CHD9: variants seen among roughly 807,000 people sequenced by gnomAD.
CHD9 encodes the protein ATP-dependent chromatin remodeler CHD9.
CHD9 carries 77 observed loss-of-function variants against 316.1 expected under a neutral mutation model. The ratio of observed to expected loss-of-function variants is 0.24; its 90% CI spans 0.20 to 0.29. CHD9 has a LOEUF of 0.29. Among genes scored for constraint, CHD9 ranks in the 10% least tolerant of loss-of-function variants. CHD9 has a pLI of 1.00. For synonymous variants in CHD9, 1,129 were observed against 1,158.3 expected (o/e 0.97, Z 0.51); for missense variants, 2,763 against 3,438.1 (o/e 0.80, Z 4.91).
chr16:53,253,196 TG>T (rs2050272054), intron 17 of CHD9, among the ~76,000 whole-genome samples: 1 of 150,048 alleles, frequency 6.7e-6, no homozygotes. Context: ...GGTGGGTATA[TG>T]TGCGTGTGTG....
intron 1 of CHD9, among the ~76,000 whole-genome samples, chr16:53,096,753 A>G (rs933355584): frequency 6.6e-6 from 1 of 152,190 alleles, no homozygotes; most frequent in Admixed American, 6.5e-5. Flanking sequence ...ATTTCTTCAC[A>G]GTTACAGAGG....
intron 38 of CHD9, among the ~76,000 whole-genome samples, chr16:53,322,945 A>G (rs1397867505): frequency 2.6e-5 from 4 of 152,194 alleles, no homozygotes; most frequent in East Asian, 3.8e-4. Flanking sequence ...GTTTTCTGCT[A>G]TGAGCCCTGA....
chr16:53,207,932 A>C, intron 2 of CHD9: 2 of 521,924 alleles, frequency 3.8e-6, no homozygotes, highest in Middle Eastern at 9.5e-4. Context: ...AACTGGTAGC[A>C]CCATCTGCTG....
At chr16:53,193,491 T>C in intron 2 of CHD9, among the ~76,000 whole-genome samples, 1 of 152,230 alleles carries the variant, frequency 6.6e-6, no homozygotes, top group Middle Eastern at 3.4e-3. Flanking sequence ...CAAATAGATG[T>C]AGATTGATAT....
intron 1 of CHD9, among the ~76,000 whole-genome samples, chr16:53,056,355 A>C (rs1164006356): frequency 6.6e-6 from 1 of 152,118 alleles, no homozygotes; most frequent in Non-Finnish European, 1.5e-5. Context: ...GGAATTATTC[A>C]CAATAAAAGC....
Position 53,238,517 on chromosome 16 carries a change from G to A in CHD9, c.2808G>A (p.Val936=), listed in dbSNP as rs1429417816. ...GTACGTGGACTGATATTAACGTTGT[G>A]GTTTATCATGGGAGCCTGATTAGCA... ...EFRTWTDINV[V]VYHGSLISRQ... Residue 936 remains valine (V), a synonymous_variant, in exon 12 of 39, where the codon GTG becomes GTA. Transcript: ENST00000447540. The A allele has an allele frequency of 6.2e-7, 1 of 1,612,930 alleles. No individual in the cohort carries two copies. Among genetic ancestry groups the A allele is most frequent in the South Asian group, 1.1e-5 (1 of 91,046 alleles).
chr16:53,178,109 A>T (rs1466635025), intron 2 of CHD9, among the ~76,000 whole-genome samples: 3 of 152,212 alleles, frequency 2.0e-5, no homozygotes, highest in Non-Finnish European at 2.9e-5. Flanking sequence ...TCAGAGTGTC[A>T]GGGACCTGGA....
intron 3 of CHD9, among the ~76,000 whole-genome samples, chr16:53,215,822 G>A (rs1358828574): frequency 2.0e-5 from 3 of 152,068 alleles, no homozygotes; most frequent in East Asian, 3.8e-4. Context: ...TGAAATAAGT[G>A]CATAAATTAC....
chr16:53,216,230 G>A (rs899002202), intron 3 of CHD9, among the ~76,000 whole-genome samples: 1 of 152,080 alleles, frequency 6.6e-6, no homozygotes, highest in African/African-American at 2.4e-5. Flanking sequence ...TGGAAGAATG[G>A]AGTGTTCTAT....
At chr16:53,174,462 T>G (rs1313127588) in intron 2 of CHD9, among the ~76,000 whole-genome samples, 2 of 152,248 alleles carry the variant, frequency 1.3e-5, no homozygotes, top group African/African-American at 4.8e-5. Context: ...TTATTTAGAC[T>G]TGTTTCTATG....
intron 35 of CHD9, 96 bp downstream of exon 35, chr16:53,314,612 TAGTA>T: frequency 9.1e-7 from 1 of 1,104,498 alleles, no homozygotes; most frequent in East Asian, 2.6e-5. Flanking sequence ...TATAGACTAT[TAGTA>T]AGGAAATTAG....
intron 19 of CHD9, among the ~76,000 whole-genome samples, chr16:53,255,982 G>A (rs1490489963): frequency 6.6e-6 from 1 of 152,250 alleles, no homozygotes; most frequent in Non-Finnish European, 1.5e-5. Context: ...CAGAATAAAT[G>A]TAATAACTAG....
intron 10 of CHD9, among the ~76,000 whole-genome samples, chr16:53,233,459 A>G (rs1567528818): frequency 6.6e-6 from 1 of 152,168 alleles, no homozygotes; most frequent in South Asian, 2.1e-4. Flanking sequence ...CAGTCTCCAC[A>G]TGTTCAGCTC....
chr16:53,215,126 C>CG (rs1356614057), intron 3 of CHD9, among the ~76,000 whole-genome samples: 5 of 152,112 alleles, frequency 3.3e-5, no homozygotes, highest in African/African-American at 7.2e-5. Flanking sequence ...CCGTGTTAGC[C>CG]ACGATGGTCT....
At chr16:53,089,471 A>T (rs7184986) in intron 1 of CHD9, among the ~76,000 whole-genome samples, 3 of 152,074 alleles carry the variant, frequency 2.0e-5, no homozygotes, top group African/African-American at 7.2e-5. Flanking sequence ...CATATTTAAT[A>T]TCTTTGAGCT....
At chr16:53,129,035 C>T (rs917855626) in intron 1 of CHD9, among the ~76,000 whole-genome samples, 4 of 152,144 alleles carry the variant, frequency 2.6e-5, no homozygotes, top group Middle Eastern at 3.2e-3. Flanking sequence ...CAAAAACCAG[C>T]ATCCTAGAGG....
Position 53,325,364 on chromosome 16 carries a change from A to G in CHD9, c.*469A>G, listed in dbSNP as rs2057506047. On this transcript the variant is annotated 3_prime_UTR_variant, in exon 39 of 39. Coordinates refer to ENST00000447540, the MANE Select transcript of CHD9 (RefSeq NM_001308319.2). The stretch of plus-strand genomic sequence containing the variant: ...ATCTACATCACCATCCATTGCTTTA[A>G]TTACATGAAAATGCTCTAGTGTTGT... 1 of 153,798 alleles carries G rather than the reference A, an allele frequency of 6.5e-6. No homozygotes were observed. Among genetic ancestry groups the G allele is most frequent in the African/African-American group, 2.4e-5 (1 of 41,468 alleles). The allele number at this position is 153,798 out of a possible 1,614,324, so 9.5% of individuals were successfully genotyped here.
At chr16:53,138,600 G>T (rs534882932) in intron 1 of CHD9, among the ~76,000 whole-genome samples, 2 of 152,352 alleles carry the variant, frequency 1.3e-5, no homozygotes, top group South Asian at 4.1e-4. Flanking sequence ...TAAGTGGTAT[G>T]TAATAAATGG....
intron 2 of CHD9, among the ~76,000 whole-genome samples, chr16:53,201,854 T>G (rs78505478): frequency 0.031 from 4,763 of 151,764 alleles, 212 homozygotes; most frequent in African/African-American, 0.094. Flanking sequence ...GGTTTTTTTT[T>G]TTGTTGTTGT....
Sources: gnomAD v4.1 joint callset for allele counts (sites outside exome capture counted in the v4.1 genomes callset) on GRCh38, gnomAD v4.1.1 for gene constraint, MANE v1.5 for transcripts, NCBI Gene and HGNC (gene_info 2026-07-23, HGNC 2026-07-21) for gene names.